CLIC5: variants seen among roughly 807,000 people sequenced by gnomAD.
The protein encoded by CLIC5 is CLIC family member 5.
Under a neutral mutation model 24.7 loss-of-function variants are expected in CLIC5, and 20 were observed. That is an observed-to-expected ratio of 0.81 (90% CI 0.57 to 1.18). The LOEUF is 1.18. Among genes scored for constraint, CLIC5 ranks in the 50% most tolerant of loss-of-function variants. The probability of loss-of-function intolerance (pLI) is 0.00; values close to 1 mark genes in which losing one functional copy is unlikely to be tolerated. For synonymous variants in CLIC5, 159 were observed against 135.6 expected, an observed-to-expected ratio of 1.17 and a Z score of -1.20; for missense variants, 341 against 326.1, an observed-to-expected ratio of 1.05 and a Z score of -0.35.
At chr6:46,103,305 C>A in the CLIC5 span, among the ~76,000 whole-genome samples, 1 of 152,148 alleles carries the variant, frequency 6.6e-6, no homozygotes, top group Admixed American at 6.6e-5. Context: ...AAGTATACTT[C>A]TTTGACATAC....
At chr6:46,067,369 G>T (rs1005936348) in intron 1 of CLIC5, among the ~76,000 whole-genome samples, 1 of 152,080 alleles carries the variant, frequency 6.6e-6, no homozygotes, top group Non-Finnish European at 1.5e-5. Context: ...TCTCCCCCTT[G>T]ATATTCTGAT....
chr6:46,099,352 G>T, the CLIC5 span, among the ~76,000 whole-genome samples: 113 of 152,306 alleles, frequency 7.4e-4, no homozygotes, highest in Non-Finnish European at 1.8e-4. Flanking sequence ...TGGTAACAGA[G>T]AATCAACCTC....
intron 1 of CLIC5, among the ~76,000 whole-genome samples, chr6:45,971,881 T>C (rs1765211929): frequency 6.6e-6 from 1 of 152,208 alleles, no homozygotes; most frequent in South Asian, 2.1e-4. Context: ...ATGAGAAGCA[T>C]AATTTTCCCC....
the CLIC5 span, among the ~76,000 whole-genome samples, chr6:46,088,549 T>A: frequency 6.6e-6 from 1 of 152,172 alleles, no homozygotes; most frequent in African/African-American, 2.4e-5. Flanking sequence ...TAATCTGCAT[T>A]TCCACTACCC....
intron 1 of CLIC5, among the ~76,000 whole-genome samples, chr6:46,049,268 T>C (rs1458902739): frequency 6.6e-6 from 1 of 152,154 alleles, no homozygotes; most frequent in East Asian, 1.9e-4. Flanking sequence ...TAAATAATAT[T>C]TTTAACCTAC....
At chr6:45,933,571 A>G (rs1397574366) in intron 4 of CLIC5, among the ~76,000 whole-genome samples, 1 of 152,244 alleles carries the variant, frequency 6.6e-6, no homozygotes, top group East Asian at 1.9e-4. Context: ...GAAGCACCTT[A>G]TTAGGACAAG....
chr6:45,986,229 C>A (rs1468136403), intron 1 of CLIC5, among the ~76,000 whole-genome samples: 1 of 152,306 alleles, frequency 6.6e-6, no homozygotes, highest in East Asian at 1.9e-4. Context: ...GCCCTGAGAT[C>A]CTGACACACC....
intron 1 of CLIC5, among the ~76,000 whole-genome samples, chr6:45,997,069 G>A (rs1418135486): frequency 6.6e-6 from 1 of 151,960 alleles, no homozygotes; most frequent in Non-Finnish European, 1.5e-5. Flanking sequence ...GTTTATTGCA[G>A]CATTATTCAC....
chr6:45,960,300 T>C (rs1262713972), intron 1 of CLIC5, among the ~76,000 whole-genome samples: 1 of 152,210 alleles, frequency 6.6e-6, no homozygotes, highest in Non-Finnish European at 1.5e-5. Context: ...AGTGACCAGA[T>C]GACATTGAAG....
chr6:46,129,438 G>A, the CLIC5 span: 2 of 152,232 alleles, frequency 1.3e-5, no homozygotes, highest in Admixed American at 1.3e-4. Flanking sequence ...TTTCTCAGCT[G>A]TAACTCATTA....
chr6:45,941,680 GA>G, intron 3 of CLIC5, 27 bp from the exon 4 acceptor site: 1 of 1,537,236 alleles, frequency 6.5e-7, no homozygotes, highest in South Asian at 1.1e-5. Context: ...AGTGTTCTGT[GA>G]ATCAGTAGAC....
chr6:46,129,096 AC>A, the CLIC5 span, among the ~76,000 whole-genome samples: 3 of 152,190 alleles, frequency 2.0e-5, no homozygotes. Flanking sequence ...ATTTATTTGT[AC>A]TTTTTATTTG....
chr6:46,094,109 CACTA>C, the CLIC5 span, among the ~76,000 whole-genome samples: 669 of 152,276 alleles, frequency 4.4e-3, 4 homozygotes, highest in African/African-American at 0.013. Flanking sequence ...TATGAGAACT[CACTA>C]ACTATCACCA....
chr6:45,986,531 C>T (rs536338770), intron 1 of CLIC5, among the ~76,000 whole-genome samples: 1 of 152,264 alleles, frequency 6.6e-6, no homozygotes, highest in Admixed American at 6.5e-5. Flanking sequence ...GTGAGGGTGC[C>T]TTAAGGGCCA....
At chr6:45,889,310 A>T (rs1762329836) in intron 6 of CLIC5, among the ~76,000 whole-genome samples, 3 of 152,072 alleles carry the variant, frequency 2.0e-5, no homozygotes. Context: ...TTTTTTTATA[A>T]GGGCATTAAT....
At chr6:46,072,621 C>T (rs573346436) in intron 1 of CLIC5, among the ~76,000 whole-genome samples, 5 of 152,260 alleles carry the variant, frequency 3.3e-5, no homozygotes, top group African/African-American at 1.2e-4. Flanking sequence ...CAGAGTATCA[C>T]ATCACTTTCA....
At position 46,015,797 on chromosome 6, in the gene CLIC5, A is replaced by G; in HGVS notation, c.-255T>C. ...GGAAAGCCGGGTTAAGGGAATGACAACAGGTCGTGGGAGCAACAAGTGCCG... is the reference window on the plus strand; with the variant it reads ...GGAAAGCCGGGTTAAGGGAATGACAGCAGGTCGTGGGAGCAACAAGTGCCG... On this transcript the variant is annotated 5_prime_UTR_variant, in exon 1 of 6. Transcript: ENST00000339561. The G allele has an allele frequency of 8.3e-7, 1 of 1,201,742 alleles. No homozygotes were observed. The highest frequency in any genetic ancestry group is 1.0e-6 in the Non-Finnish European group (1 of 968,278). 74.4% of individuals were successfully genotyped at this position (1,201,742 alleles called of 1,614,324 possible). A position where few individuals can be genotyped will look rare whatever the true frequency, so the allele number is the denominator to read the frequency against.
At chr6:46,083,444 G>A (rs1269547380), upstream of CLIC5, among the ~76,000 whole-genome samples, 3 of 152,168 alleles carry the variant, frequency 2.0e-5, no homozygotes, top group Non-Finnish European at 2.9e-5. Context: ...ACACTGCTTT[G>A]AATGTGTCCC....
At chr6:45,972,839 TG>T (rs1384639453) in intron 1 of CLIC5, among the ~76,000 whole-genome samples, 1 of 152,192 alleles carries the variant, frequency 6.6e-6, no homozygotes, top group Non-Finnish European at 1.5e-5. Flanking sequence ...ATTTAAAAAG[TG>T]CATCTTTGCA....
Sources: gnomAD v4.1 joint callset for allele counts (sites outside exome capture counted in the v4.1 genomes callset) on GRCh38, gnomAD v4.1.1 for gene constraint, MANE v1.5 for transcripts, NCBI Gene and HGNC (gene_info 2026-07-23, HGNC 2026-07-21) for gene names.